The following CALN1 variants were observed in gnomAD, a reference collection of about 807,000 sequenced individuals.
CALN1 encodes the protein calneuron 1.
A neutral mutation model predicts 30.6 loss-of-function variants in CALN1; 17 were observed. The ratio of observed to expected loss-of-function variants is 0.56; its 90% CI spans 0.38 to 0.83. The LOEUF (loss-of-function observed/expected upper bound fraction) is 0.83, where lower values mean the gene tolerates loss of function less well. CALN1 is among the 40% of genes least tolerant of loss of function. The pLI is 0.00. For synonymous variants in CALN1, 156 were observed against 131.4 expected, an observed-to-expected ratio of 1.19 and a Z score of -1.28; for missense variants, 291 against 354.9, an observed-to-expected ratio of 0.82 and a Z score of 1.45.
chr7:72,230,031 C>T (rs1339897904), intron 3 of CALN1, among the ~76,000 whole-genome samples: 1 of 149,868 alleles, frequency 6.7e-6, no homozygotes, highest in Non-Finnish European at 1.5e-5. Flanking sequence ...GTTCCAGCTA[C>T]TCAGGAGGCT....
intron 2 of CALN1, among the ~76,000 whole-genome samples, chr7:72,317,924 C>T (rs1291301766): frequency 6.6e-6 from 1 of 152,126 alleles, no homozygotes; most frequent in East Asian, 1.9e-4. Flanking sequence ...TGTCAAACCA[C>T]CCCACCCTTT....
At chr7:72,059,240 A>T (rs1167430202) in intron 4 of CALN1, among the ~76,000 whole-genome samples, 1 of 152,178 alleles carries the variant, frequency 6.6e-6, no homozygotes, top group Non-Finnish European at 1.5e-5. Flanking sequence ...ACCTCCTAAA[A>T]GTAGGTCAGA....
At chr7:71,953,139 G>C (rs753207546) in intron 5 of CALN1, among the ~76,000 whole-genome samples, 3 of 151,772 alleles carry the variant, frequency 2.0e-5, no homozygotes, top group African/African-American at 4.8e-5. Flanking sequence ...TTAATTTTTT[G>C]CAGGAACGGG....
At chr7:71,871,551 C>T (rs1791928532) in intron 5 of CALN1, among the ~76,000 whole-genome samples, 1 of 152,094 alleles carries the variant, frequency 6.6e-6, no homozygotes, top group South Asian at 2.1e-4. Context: ...AAGTTTGTGA[C>T]CAGCTTGTAC....
At chr7:72,023,815 G>C (rs1274843689) in intron 4 of CALN1, 46 bp from the exon 5 acceptor site, 6 of 1,419,538 alleles carry the variant, frequency 4.2e-6, no homozygotes, top group African/African-American at 1.4e-5. Context: ...AGCTGAACTT[G>C]ACCTACCGTA....
intron 3 of CALN1, among the ~76,000 whole-genome samples, chr7:72,171,581 A>G (rs1290323303): frequency 1.3e-5 from 2 of 152,242 alleles, no homozygotes; most frequent in Non-Finnish European, 2.9e-5. Context: ...TGTATTATTT[A>G]GCCTCGTATG....
intron 3 of CALN1, among the ~76,000 whole-genome samples, chr7:72,268,812 C>CACACACACACACACAT (rs1796767361): frequency 6.6e-6 from 1 of 151,906 alleles, no homozygotes; most frequent in Admixed American, 6.6e-5. Flanking sequence ...CACACACACA[C>CACACACACACACACAT]ACACACACAC....
chr7:72,238,037 G>C (rs1041504770), intron 3 of CALN1, among the ~76,000 whole-genome samples: 38 of 152,142 alleles, frequency 2.5e-4, no homozygotes, highest in Non-Finnish European at 3.5e-4. Flanking sequence ...TGAAGGTAAT[G>C]ACCCACAAAA....
At chr7:71,791,372 C>T (rs982870722) in intron 6 of CALN1, among the ~76,000 whole-genome samples, 12 of 152,130 alleles carry the variant, frequency 7.9e-5, no homozygotes, top group East Asian at 1.9e-4. Flanking sequence ...TTCGAGGAAT[C>T]GCCACACTGC....
At chr7:72,334,251 G>T (rs142960812) in intron 2 of CALN1, among the ~76,000 whole-genome samples, 13 of 152,214 alleles carry the variant, frequency 8.5e-5, no homozygotes, top group African/African-American at 3.1e-4. Context: ...GAGAACCAGT[G>T]CCCCCTTCTG....
At chr7:71,887,138 G>A (rs1180421818) in intron 5 of CALN1, among the ~76,000 whole-genome samples, 1 of 152,172 alleles carries the variant, frequency 6.6e-6, no homozygotes, top group Admixed American at 6.5e-5. Flanking sequence ...TTGTGCGGTA[G>A]GGGTGGGGGT....
rs75756233 is a variant in CALN1, at chr7:72,412,215, C to T, written c.-231G>A. 6,611 of 152,450 alleles carry T rather than the reference C, an allele frequency of 0.043. 207 individuals are homozygous for T. The highest frequency in any genetic ancestry group is 0.062 in the Non-Finnish European group (4,241 of 68,092). 9.4% of individuals were successfully genotyped at this position (152,450 alleles called of 1,614,324 possible). On this transcript the variant is annotated 5_prime_UTR_variant, in exon 1 of 7. Transcript: ENST00000395275. ...CTTGCGGTCTTGCTGACTTCAAGAA[C>T]GAAGACGCAGACCGCGGCCGTGAGC...
intron 5 of CALN1, among the ~76,000 whole-genome samples, chr7:71,964,469 G>C (rs992717403): frequency 2.0e-5 from 3 of 152,248 alleles, no homozygotes; most frequent in African/African-American, 7.2e-5. Context: ...CTGGGTTCTT[G>C]CCCTAGTGTA....
chr7:71,820,624 C>G (rs768037771), intron 5 of CALN1, among the ~76,000 whole-genome samples: 1 of 152,200 alleles, frequency 6.6e-6, no homozygotes, highest in Non-Finnish European at 1.5e-5. Context: ...GCTTTTAACT[C>G]TTTGGGGTAT....
Position 71,982,575 on chromosome 7 carries a change from T to C in CALN1, c.501+41082A>G, listed in dbSNP as rs142720744. ...CGCCATTGCACTCCAGCCTGGGCCATAGGAGTGAAACTCTGTCGCAAAACA... is the reference window on the plus strand; with the variant it reads ...CGCCATTGCACTCCAGCCTGGGCCACAGGAGTGAAACTCTGTCGCAAAACA... On this transcript the variant is annotated intron_variant, in intron 5 of 6. Transcript: ENST00000395275. Among the ~76,000 whole-genome samples the C allele has an allele frequency of 6.8e-3, 1,035 of 152,258 alleles. 9 individuals carry two copies. Among genetic ancestry groups the C allele is most frequent in the African/African-American group, 0.024 (997 of 41,556 alleles).
intron 3 of CALN1, among the ~76,000 whole-genome samples, chr7:72,251,708 C>T (rs1329264115): frequency 2.0e-5 from 3 of 152,052 alleles, no homozygotes; most frequent in Admixed American, 1.3e-4. Flanking sequence ...AGCTTATTTT[C>T]TGTAGTGTTT....
At chr7:71,790,352 AAAGAAAGAAAGAAAGAAAAGAAAGAAAG>A (rs1303021966) in intron 6 of CALN1, among the ~76,000 whole-genome samples, 2 of 100,842 alleles carry the variant, frequency 2.0e-5, no homozygotes, top group East Asian at 9.3e-4. Flanking sequence ...GAAAGAAAAG[AAAGAAAGAAAGAAAGAAAAGAAAGAAAG>A]AAAGAAAGAA....
chr7:72,193,193 AAAAG>A (rs1233153964), intron 3 of CALN1, among the ~76,000 whole-genome samples: 24 of 44,762 alleles, frequency 5.4e-4, no homozygotes, highest in Non-Finnish European at 2.1e-3. Flanking sequence ...ATCTCAAAAA[AAAAG>A]AAAAGAGAAA....
rs573638905 is a variant in CALN1, at chr7:71,830,742, A to G, written c.502-20250T>C. Among the ~76,000 whole-genome samples, 6 of 152,332 alleles carry G rather than the reference A, an allele frequency of 3.9e-5. 1 individual carries two copies. Among genetic ancestry groups the G allele is most frequent in the African/African-American group, 1.4e-4 (6 of 41,576 alleles). On this transcript the variant is annotated intron_variant, in intron 5 of 6. Transcript: ENST00000395275. Reference sequence around the variant, plus strand: ...CACATAGGGGCTGTGTGACTCATTGAAAGTTACTAAACTTCTCTGTTCCTT... The same window carrying G: ...CACATAGGGGCTGTGTGACTCATTGGAAGTTACTAAACTTCTCTGTTCCTT...
Sources: allele counts gnomAD v4.1 joint callset (sites outside exome capture counted in the v4.1 genomes callset), GRCh38; gene constraint gnomAD v4.1.1; transcripts MANE v1.5; gene names NCBI Gene and HGNC (gene_info 2026-07-23, HGNC 2026-07-21).